PPP4R3B: variants seen among roughly 807,000 people sequenced by gnomAD.
The protein encoded by PPP4R3B is protein phosphatase 4 regulatory subunit 3B.
PPP4R3B carries 52 observed loss-of-function variants against 95.4 expected under a neutral mutation model. The observed-to-expected ratio is 0.54, with a 90% CI of 0.44 to 0.69. PPP4R3B has a LOEUF of 0.69. Ranked by LOEUF, PPP4R3B falls within the 30% of genes least tolerant of loss-of-function variation. The pLI is 0.00. For missense variants in PPP4R3B, 1,003 were observed against 1,005.9 expected, an observed-to-expected ratio of 1.00 and a Z score of 0.04; for synonymous variants, 407 against 343.9, an observed-to-expected ratio of 1.18 and a Z score of -2.03.
intron 11 of PPP4R3B, among the ~76,000 whole-genome samples, chr2:55,576,025 C>G (rs1558981113): frequency 6.6e-6 from 1 of 152,032 alleles, no homozygotes; most frequent in Non-Finnish European, 1.5e-5. Flanking sequence ...GTACCACAGC[C>G]AAAATTTGAA....
chr2:55,601,746 T>C (rs1692646410), intron 3 of PPP4R3B, among the ~76,000 whole-genome samples: 1 of 152,218 alleles, frequency 6.6e-6, no homozygotes, highest in Admixed American at 6.5e-5. Context: ...CTCTTACTTT[T>C]CAGGTTACAT....
At chr2:55,562,116 T>C (rs1193943743) in intron 15 of PPP4R3B, among the ~76,000 whole-genome samples, 1 of 152,128 alleles carries the variant, frequency 6.6e-6, no homozygotes, top group Non-Finnish European at 1.5e-5. Flanking sequence ...CGAGATCTGG[T>C]TGTTTCAAAG....
At chr2:55,597,265 T>A (rs967081878) in intron 4 of PPP4R3B, among the ~76,000 whole-genome samples, 1 of 152,064 alleles carries the variant, frequency 6.6e-6, no homozygotes, top group Non-Finnish European at 1.5e-5. Context: ...GGCAGGTGGA[T>A]CACCTCAGGT....
chr2:55,567,385 T>A (rs759909943), intron 13 of PPP4R3B, among the ~76,000 whole-genome samples: 1 of 152,216 alleles, frequency 6.6e-6, no homozygotes, highest in Non-Finnish European at 1.5e-5. Flanking sequence ...GATTCCATCC[T>A]ACCTTTTATG....
chr2:55,604,348 G>T (rs1489898467), intron 2 of PPP4R3B, among the ~76,000 whole-genome samples: 1 of 152,042 alleles, frequency 6.6e-6, no homozygotes, highest in Non-Finnish European at 1.5e-5. Flanking sequence ...TTTATAAAAA[G>T]GCTAGCCATT....
chr2:55,568,474 A>C (rs1687582593), intron 12 of PPP4R3B, 111 bp from the exon 13 acceptor site: 1 of 844,942 alleles, frequency 1.2e-6, no homozygotes, highest in African/African-American at 1.8e-5. Flanking sequence ...ATGAAAAGTA[A>C]AACTGTGTAT....
In PPP4R3B at chr2:55,578,352, A is replaced by C; in HGVS notation, c.1469-10T>G. On this transcript the variant is annotated splice_polypyrimidine_tract_variant and intron_variant, in intron 9 of 16. Transcript: ENST00000616407. ...TGTTTTAAAAAAAAATCTGAAAAAA[A>C]ATATGGCAAGTTAGTTTTGATAAAG... 1 of 1,373,388 alleles carries C rather than the reference A, an allele frequency of 7.3e-7. No individual in the cohort carries two copies. Among genetic ancestry groups the C allele is most frequent in the Non-Finnish European group, 9.5e-7 (1 of 1,057,384 alleles). The allele number at this position is 1,373,388 out of a possible 1,614,324, so 85.1% of individuals were successfully genotyped here. A position where few individuals can be genotyped will look rare whatever the true frequency, so the allele number is the denominator to read the frequency against.
intron 3 of PPP4R3B, 126 bp from the exon 4 acceptor site, chr2:55,599,165 C>A: frequency 8.1e-6 from 7 of 867,022 alleles, no homozygotes; most frequent in Non-Finnish European, 1.2e-5. Context: ...AGGCCAGGCA[C>A]GGTGGCTCAC....
chr2:55,591,692 A>T, intron 4 of PPP4R3B: 1 of 977,998 alleles, frequency 1.0e-6, no homozygotes, highest in Non-Finnish European at 1.2e-6. Context: ...GCTGATAAGT[A>T]GAACTGCATA....
chr2:55,615,857 CAAAAAA>C (rs58981030), intron 1 of PPP4R3B, among the ~76,000 whole-genome samples: 27 of 39,066 alleles, frequency 6.9e-4, no homozygotes, highest in South Asian at 5.1e-3. Flanking sequence ...ACTCTGTCTC[CAAAAAA>C]AAAAAAAAAA....
In PPP4R3B at chr2:55,579,755, AT is replaced by A; in HGVS notation, c.1391del (p.Asn464IlefsTer16). 1 of 1,606,962 alleles carries A rather than the reference AT, an allele frequency of 6.2e-7. No homozygotes were observed. Among genetic ancestry groups the A allele is most frequent in the Non-Finnish European group, 8.5e-7 (1 of 1,177,380 alleles). ...CATGCATACAATGGTTGTAGAAAAA[AT>A]TTAGAAATTCACTTTTTTCGGTTTT... Reference protein sequence around the residue: ...TNKTEKSEFLNFFYNHCMHVL... With the variant: ...TNKTEKSEFLXFFYNHCMHVL... On this transcript the variant is annotated frameshift_variant, in exon 9 of 17. Transcript: ENST00000616407. LOFTEE classifies it high-confidence loss of function.
At chr2:55,610,856 T>C (rs1694064368) in intron 2 of PPP4R3B, among the ~76,000 whole-genome samples, 2 of 144,982 alleles carry the variant, frequency 1.4e-5, no homozygotes, top group African/African-American at 5.1e-5. Flanking sequence ...AGGTACACAT[T>C]CTTATGACTC....
intron 11 of PPP4R3B, among the ~76,000 whole-genome samples, chr2:55,576,858 G>C (rs373504711): frequency 2.4e-4 from 37 of 152,268 alleles, no homozygotes; most frequent in African/African-American, 8.4e-4. Context: ...GATTTGATGA[G>C]GCTGGCAGAA....
At position 55,617,481 on chromosome 2, in the gene PPP4R3B, G is replaced by A. The variant is rs1229949398; in HGVS notation, c.-196C>T. ...AGCCACTGAGGCCTCTCCGCCCGGA[G>A]GCCCCGTTACCTCTCACTTCACCCG... is the stretch of plus-strand genomic sequence containing the variant. On this transcript the variant is annotated 5_prime_UTR_variant, in exon 1 of 17. Coordinates refer to ENST00000616407, the MANE Select transcript of PPP4R3B (RefSeq NM_001122964.3). The A allele has an allele frequency of 3.7e-6, 2 of 536,174 alleles. No individual in the cohort carries two copies. Among genetic ancestry groups the A allele is most frequent in the Admixed American group, 3.8e-5 (1 of 26,052 alleles). The allele number at this position is 536,174 out of a possible 1,614,324, so 33.2% of individuals were successfully genotyped here.
At chr2:55,586,556 C>T in intron 6 of PPP4R3B, 62 bp downstream of exon 6, 1 of 894,224 alleles carries the variant, frequency 1.1e-6, no homozygotes, top group Non-Finnish European at 1.8e-6. Context: ...TTTTCCCATC[C>T]ATAACATAAG....
rs201919793 is a variant in PPP4R3B at position 55,581,728 on chromosome 2, T to A, written c.1234-30A>T. On this transcript the variant is annotated intron_variant, in intron 7 of 16. Coordinates refer to ENST00000616407, the MANE Select transcript of PPP4R3B (RefSeq NM_001122964.3). ...TGGCAAAACAAAACAAAACAAAACA[T>A]GTTTCCATTAGACCTGGTTTAGATC... 6 of 1,603,432 alleles carry A rather than the reference T, an allele frequency of 3.7e-6. No homozygotes were observed. In the East Asian group the frequency reaches 1.1e-4, roughly 30 times the overall value.
chr2:55,598,358 C>T, intron 4 of PPP4R3B, 58 bp downstream of exon 4: 2 of 1,535,848 alleles, frequency 1.3e-6, no homozygotes, highest in Non-Finnish European at 8.8e-7. Flanking sequence ...CCTGCTTGAA[C>T]TATTAAGGGA....
intron 2 of PPP4R3B, among the ~76,000 whole-genome samples, chr2:55,610,229 G>GT (rs1194655945): frequency 6.6e-6 from 1 of 151,978 alleles, no homozygotes; most frequent in East Asian, 1.9e-4. Flanking sequence ...TTCATTTTTT[G>GT]TATCTGAATT....
chr2:55,599,132 A>G (rs1312183737), intron 3 of PPP4R3B, 93 bp from the exon 4 acceptor site: 1 of 1,180,690 alleles, frequency 8.5e-7, no homozygotes, highest in Non-Finnish European at 1.2e-6. Context: ...CTGGCTAGTC[A>G]CTACTAATTA....
Sources: gnomAD v4.1 joint callset for allele counts (sites outside exome capture counted in the v4.1 genomes callset) on GRCh38, gnomAD v4.1.1 for gene constraint, MANE v1.5 for transcripts, NCBI Gene and HGNC (gene_info 2026-07-23, HGNC 2026-07-21) for gene names.